The following CDH18 variants were observed in gnomAD, a reference collection of about 807,000 sequenced individuals.
The protein encoded by CDH18 is cadherin-18.
CDH18 carries 31 observed loss-of-function variants against 67.9 expected under a neutral mutation model. That is an observed-to-expected ratio of 0.46 (90% CI 0.34 to 0.62). The LOEUF (loss-of-function observed/expected upper bound fraction) is 0.62, where lower values mean the gene tolerates loss of function less well. Ranked by LOEUF, CDH18 falls within the 20% of genes least tolerant of loss-of-function variation. CDH18 has a pLI of 0.01. For missense variants in CDH18, 890 were observed against 975.5 expected (o/e 0.91, Z 1.17); for synonymous variants, 362 against 347.2 (o/e 1.04, Z -0.48).
intron 7 of CDH18, among the ~76,000 whole-genome samples, chr5:19,576,988 G>A (rs929295406): frequency 3.3e-5 from 5 of 152,150 alleles, no homozygotes; most frequent in Non-Finnish European, 7.3e-5. Context: ...AATAAGCCAG[G>A]CACAGACAGA....
At chr5:20,037,040 C>T (rs1032699466) in intron 2 of CDH18, among the ~76,000 whole-genome samples, 1 of 152,038 alleles carries the variant, frequency 6.6e-6, no homozygotes, top group Non-Finnish European at 1.5e-5. Flanking sequence ...CTGAATACAG[C>T]ACACCGATGG....
intron 2 of CDH18, among the ~76,000 whole-genome samples, chr5:19,966,352 A>G (rs186943544): frequency 1.3e-5 from 2 of 152,158 alleles, no homozygotes; most frequent in African/African-American, 4.8e-5. Context: ...ATCTTTAATC[A>G]CTAAAAGTAT....
chr5:19,665,304 G>A (rs993936534), intron 5 of CDH18, among the ~76,000 whole-genome samples: 2 of 151,922 alleles, frequency 1.3e-5, no homozygotes, highest in Admixed American at 1.3e-4. Flanking sequence ...ATAAGTAAAA[G>A]AATAATTGGG....
chr5:20,135,558 AT>A (rs1200613205), intron 2 of CDH18, among the ~76,000 whole-genome samples: 1 of 151,948 alleles, frequency 6.6e-6, no homozygotes, highest in Non-Finnish European at 1.5e-5. Context: ...AGATTCATTG[AT>A]TTTTTGAAGA....
At chr5:19,987,130 G>C (rs13158011) in intron 1 of CDH18, among the ~76,000 whole-genome samples, 65,193 of 151,788 alleles carry the variant, frequency 0.43, 16,206 homozygotes, top group Middle Eastern at 0.66. Flanking sequence ...ATTTATTCTT[G>C]ACTACAACAT....
At chr5:20,189,679 G>A (rs1167127145) in intron 2 of CDH18, among the ~76,000 whole-genome samples, 1 of 152,112 alleles carries the variant, frequency 6.6e-6, no homozygotes, top group African/African-American at 2.4e-5. Context: ...TTACGCACAC[G>A]ACAAATCAAG....
At chr5:20,496,805 C>T (rs552150636) in intron 1 of CDH18, among the ~76,000 whole-genome samples, 3 of 152,064 alleles carry the variant, frequency 2.0e-5, no homozygotes, top group South Asian at 2.1e-4. Context: ...TCTAACCTTA[C>T]GTAGCTTTCA....
chr5:20,090,360 C>A (rs751954873), intron 2 of CDH18, among the ~76,000 whole-genome samples: 2 of 152,124 alleles, frequency 1.3e-5, no homozygotes, highest in East Asian at 3.9e-4. Flanking sequence ...TATAGAGAAA[C>A]CCCGTCTCTA....
chr5:20,486,293 G>A (rs1753172645), intron 1 of CDH18, among the ~76,000 whole-genome samples: 1 of 152,166 alleles, frequency 6.6e-6, no homozygotes. Flanking sequence ...ATTGCAATAT[G>A]TAAAGATCAA....
At chr5:19,705,333 C>G (rs1341315733) in intron 5 of CDH18, among the ~76,000 whole-genome samples, 1 of 152,080 alleles carries the variant, frequency 6.6e-6, no homozygotes, top group Non-Finnish European at 1.5e-5. Context: ...CAGAAAGTAA[C>G]CATATGTAGG....
Position 20,057,929 on chromosome 5 carries a change from C to T in CDH18, c.-517-65915G>A, listed in dbSNP as rs1742137952. On this transcript the variant is annotated intron_variant, in intron 2 of 14. Coordinates refer to the CDH18 transcript ENST00000507958. ...AAGCAATATTACTTTTTAAATAATG[C>T]ATTACCTTTAATTGTTAAAGACCCT... Among the ~76,000 whole-genome samples the T allele has an allele frequency of 2.0e-5, 3 of 152,024 alleles. No homozygotes were observed. The South Asian group carries it at 6.2e-4, about 32-fold the overall frequency.
chr5:19,544,400 A>C (rs1474905863), intron 8 of CDH18, among the ~76,000 whole-genome samples: 3 of 152,152 alleles, frequency 2.0e-5, no homozygotes, highest in Non-Finnish European at 2.9e-5. Context: ...GAATCCTTGA[A>C]GTCAGAGATG....
intron 2 of CDH18, among the ~76,000 whole-genome samples, chr5:20,096,756 T>C (rs1447423461): frequency 6.6e-6 from 1 of 152,042 alleles, no homozygotes; most frequent in African/African-American, 2.4e-5. Flanking sequence ...GAGGAAACAT[T>C]TATTTCAAAA....
At chr5:20,513,011 G>C (rs2471139) in intron 1 of CDH18, among the ~76,000 whole-genome samples, 73,193 of 151,854 alleles carry the variant, frequency 0.48, 17,795 homozygotes, top group East Asian at 0.58. Context: ...TAGCATGTGA[G>C]CCTCTCTGTT....
chr5:20,246,789 C>T (rs1020793610), intron 2 of CDH18, among the ~76,000 whole-genome samples: 1 of 152,138 alleles, frequency 6.6e-6, no homozygotes, highest in African/African-American at 2.4e-5. Flanking sequence ...ACCTGTTTAA[C>T]TGGATTATTC....
At chr5:20,210,603 C>CT (rs1326637672) in intron 2 of CDH18, among the ~76,000 whole-genome samples, 1 of 151,670 alleles carries the variant, frequency 6.6e-6, no homozygotes, top group Admixed American at 6.6e-5. Context: ...ATTAAAGGTC[C>CT]TTTTTTTCTG....
chr5:20,304,023 T>C lies in CDH18; in HGVS notation c.-579-48518A>G. 3.6e-6 allele frequency: 5 copies of C among 1,402,132 alleles called. No homozygotes were observed. The South Asian group carries it at 5.8e-5, about 16-fold the overall frequency. The allele number at this position is 1,402,132 out of a possible 1,614,324, so 86.9% of individuals were successfully genotyped here. ...GGAAGAAGCAGCAACTTGGCAATAA[T>C]TCCGCAGCCGACTTCGCGTGTTCAG... On this transcript the variant is annotated intron_variant, in intron 1 of 14. Transcript: ENST00000507958.
rs547816534 is a variant in CDH18 at position 19,945,983 on chromosome 5, A to G, written c.-257+35077T>C. 2.0e-5 allele frequency among the ~76,000 whole-genome samples: 3 copies of G among 152,286 alleles called. No individual in the cohort carries two copies. The South Asian group carries it at 6.2e-4, about 32-fold the overall frequency. ...AAATAATTTGCTGCACGCTCCACCAAATATGTAATACATCAAGAAAGGGAA... is the reference window on the plus strand; with the variant it reads ...AAATAATTTGCTGCACGCTCCACCAGATATGTAATACATCAAGAAAGGGAA... On this transcript the variant is annotated intron_variant, in intron 2 of 12. Coordinates refer to ENST00000382275, the MANE Select transcript of CDH18 (RefSeq NM_004934.5).
chr5:19,640,132 T>C (rs893634527), intron 5 of CDH18, among the ~76,000 whole-genome samples: 5 of 152,304 alleles, frequency 3.3e-5, no homozygotes, highest in African/African-American at 4.8e-5. Context: ...TTCTTCAAGT[T>C]GTAACTAAAA....
Sources: gnomAD v4.1 joint callset for allele counts (sites outside exome capture counted in the v4.1 genomes callset) on GRCh38, gnomAD v4.1.1 for gene constraint, MANE v1.5 for transcripts, NCBI Gene and HGNC (gene_info 2026-07-23, HGNC 2026-07-21) for gene names.